RPA1: variants seen among roughly 807,000 people sequenced by gnomAD.
RPA1 encodes the protein replication protein A 70 kDa DNA-binding subunit.
Under a neutral mutation model 83.0 loss-of-function variants are expected in RPA1, and 49 were observed. That is an observed-to-expected ratio of 0.59 (90% CI 0.47 to 0.75). RPA1 has a LOEUF of 0.75. Among genes scored for constraint, RPA1 ranks in the 30% least tolerant of loss-of-function variants. The pLI is 0.00. For missense variants in RPA1, 693 were observed against 776.1 expected (o/e 0.89, Z 1.27); for synonymous variants, 279 against 281.8 (o/e 0.99, Z 0.10).
intron 5 of RPA1, among the ~76,000 whole-genome samples, chr17:1,863,027 T>G (rs1913044235): frequency 6.6e-6 from 1 of 151,058 alleles, no homozygotes; most frequent in African/African-American, 2.4e-5. Flanking sequence ...CAAGATTTAT[T>G]TATTTAGTTA....
chr17:1,833,900 G>A (rs1016135986), intron 1 of RPA1, among the ~76,000 whole-genome samples: 1 of 152,020 alleles, frequency 6.6e-6, no homozygotes, highest in Non-Finnish European at 1.5e-5. Context: ...ACTGATCATG[G>A]GCCAGGCGCA....
intron 12 of RPA1, among the ~76,000 whole-genome samples, chr17:1,881,888 C>CTCTCTGCTTGCTCTG (rs11276126): frequency 6.6e-6 from 1 of 152,046 alleles, no homozygotes; most frequent in Non-Finnish European, 1.5e-5. Flanking sequence ...GAAGGGCCGC[C>CTCTCTGCTTGCTCTG]TTGACTCCTG....
rs17338941 is a variant in RPA1 at position 1,881,961 on chromosome 17, A to G, written c.1241+1270A>G. Among the ~76,000 whole-genome samples, 900 of 152,278 alleles carry G rather than the reference A, an allele frequency of 5.9e-3. 11 individuals are homozygous for G. Among genetic ancestry groups the G allele is most frequent in the African/African-American group, 0.021 (856 of 41,546 alleles). Reference sequence around the variant, plus strand: ...TTTGAAACCGTGAACTTGTGTAGCTAGTAGTGGTGAAACAGATGGATGGGC... The same window carrying G: ...TTTGAAACCGTGAACTTGTGTAGCTGGTAGTGGTGAAACAGATGGATGGGC... On this transcript the variant is annotated intron_variant, in intron 12 of 16. Coordinates refer to ENST00000254719, the MANE Select transcript of RPA1 (RefSeq NM_002945.5).
In RPA1 at chr17:1,897,455, T is replaced by G. The variant is rs568522206; in HGVS notation, c.*280T>G. Reference sequence around the variant, plus strand: ...GCCTTCAGGCTTCTGTCAATTTCATTATCATCAAGCAGGAATTATGTCGTA... The same window carrying G: ...GCCTTCAGGCTTCTGTCAATTTCATGATCATCAAGCAGGAATTATGTCGTA... On this transcript the variant is annotated 3_prime_UTR_variant, in exon 17 of 17. Coordinates refer to ENST00000254719, the MANE Select transcript of RPA1 (RefSeq NM_002945.5). 1 of 314,838 alleles carries G rather than the reference T, an allele frequency of 3.2e-6. No individual in the cohort carries two copies. The highest frequency in any genetic ancestry group is 4.6e-5 in the Admixed American group (1 of 21,850). The allele number at this position is 314,838 out of a possible 1,614,324, so 19.5% of individuals were successfully genotyped here.
chr17:1,881,145 T>A (rs188334411), intron 12 of RPA1, among the ~76,000 whole-genome samples: 206 of 152,304 alleles, frequency 1.4e-3, no homozygotes, highest in Middle Eastern at 0.01. Context: ...GGGCTTTTTG[T>A]TAGGATTAGA....
intron 13 of RPA1, among the ~76,000 whole-genome samples, chr17:1,885,565 C>T (rs1036435139): frequency 1.4e-4 from 22 of 152,242 alleles, no homozygotes; most frequent in African/African-American, 5.3e-4. Flanking sequence ...TCAACCTCCC[C>T]AGGCTCCCAA....
At chr17:1,830,218 C>T in intron 1 of RPA1, 92 bp downstream of exon 1, 1 of 275,542 alleles carries the variant, frequency 3.6e-6, no homozygotes, top group Non-Finnish European at 4.6e-6. Flanking sequence ...CCCGGGGCGA[C>T]GGGGGATGAA....
At chr17:1,842,902 C>A (rs779227070) in intron 2 of RPA1, 49 bp downstream of exon 2, 2 of 1,579,938 alleles carry the variant, frequency 1.3e-6, no homozygotes, top group African/African-American at 1.3e-5. Flanking sequence ...TTGGAGTCAT[C>A]GAATTACAAG....
At chr17:1,890,900 C>G (rs990052761) in intron 14 of RPA1, among the ~76,000 whole-genome samples, 1 of 152,048 alleles carries the variant, frequency 6.6e-6, no homozygotes. Flanking sequence ...TAGTTCTTGC[C>G]CTGTGTGATG....
At chr17:1,869,571 G>A (rs1412686141) in intron 5 of RPA1, among the ~76,000 whole-genome samples, 1 of 151,964 alleles carries the variant, frequency 6.6e-6, no homozygotes, top group East Asian at 1.9e-4. Flanking sequence ...TTCCCCCTAG[G>A]TCAAAGCCAG....
intron 4 of RPA1, among the ~76,000 whole-genome samples, chr17:1,852,743 G>A (rs1365618557): frequency 2.0e-5 from 3 of 152,174 alleles, no homozygotes; most frequent in Admixed American, 6.5e-5. Flanking sequence ...GTCATAATTG[G>A]TTTTCACTGG....
At chr17:1,895,354 A>AT (rs35316960) in intron 16 of RPA1, among the ~76,000 whole-genome samples, 43 of 149,610 alleles carry the variant, frequency 2.9e-4, no homozygotes, top group East Asian at 5.9e-4. Flanking sequence ...TTTTATTTTT[A>AT]TTTTTTTTCA....
Position 1,853,099 on chromosome 17 carries a change from A to C in RPA1, c.273-2A>C, listed in dbSNP as rs1392177824. The C allele has an allele frequency of 1.9e-6, 3 of 1,613,616 alleles. No homozygotes were observed. The highest frequency in any genetic ancestry group is 2.5e-6 in the Non-Finnish European group (3 of 1,179,700). Reference sequence around the variant, plus strand: ...CCTGTTTCTGTTTGTCTGCTTTTGCAGGAGAGTAGTTATCTTGATGGAATT... The same window carrying C: ...CCTGTTTCTGTTTGTCTGCTTTTGCCGGAGAGTAGTTATCTTGATGGAATT... On this transcript the variant is annotated splice_acceptor_variant, in intron 4 of 16. Transcript: ENST00000254719. LOFTEE classifies it high-confidence loss of function.
At chr17:1,895,805 CT>C (rs1914396384) in intron 16 of RPA1, among the ~76,000 whole-genome samples, 1 of 151,836 alleles carries the variant, frequency 6.6e-6, no homozygotes, top group Non-Finnish European at 1.5e-5. Context: ...GCCTTAGCCC[CT>C]CGAGTAGCTG....
At chr17:1,860,772 G>T (rs886088758) in intron 5 of RPA1, among the ~76,000 whole-genome samples, 1 of 152,052 alleles carries the variant, frequency 6.6e-6, no homozygotes, top group Non-Finnish European at 1.5e-5. Context: ...CCTGGCCCTC[G>T]GACCGAATGC....
chr17:1,863,281 G>A (rs973232552), intron 5 of RPA1, among the ~76,000 whole-genome samples: 11 of 150,208 alleles, frequency 7.3e-5, no homozygotes, highest in Admixed American at 3.3e-4. Flanking sequence ...GCACAATCTC[G>A]GCTCACTGCA....
chr17:1,884,353 G>A lies in RPA1; in HGVS notation c.1374+409G>A, dbSNP rs1913917970. Reference sequence around the variant, plus strand: ...TTAGTCCGCCTCAGGTCAGACATGAGGCAGTTTCACGGGTGCTGTTCCTGG... The same window carrying A: ...TTAGTCCGCCTCAGGTCAGACATGAAGCAGTTTCACGGGTGCTGTTCCTGG... On this transcript the variant is annotated intron_variant, in intron 13 of 16. Transcript: ENST00000254719. The surrounding 1 kb of genome is among the most constrained non-coding windows in gnomAD (Gnocchi z 4.1). Among the ~76,000 whole-genome samples, 1 of 152,114 alleles carries A rather than the reference G, an allele frequency of 6.6e-6. No homozygotes were observed. The highest frequency in any genetic ancestry group is 1.5e-5 in the Non-Finnish European group (1 of 68,030).
intron 14 of RPA1, among the ~76,000 whole-genome samples, chr17:1,890,912 G>A (rs566773543): frequency 1.3e-5 from 2 of 152,308 alleles, no homozygotes; most frequent in Non-Finnish European, 2.9e-5. Context: ...TGTGTGATGA[G>A]ATGCTCTTTG....
intron 5 of RPA1, among the ~76,000 whole-genome samples, chr17:1,860,787 C>T (rs1370258868): frequency 6.6e-6 from 1 of 152,188 alleles, no homozygotes; most frequent in Non-Finnish European, 1.5e-5. Context: ...GAATGCCAGA[C>T]ATTGGGATTC....
Sources: gnomAD v4.1 joint callset for allele counts (sites outside exome capture counted in the v4.1 genomes callset) on GRCh38, gnomAD v4.1.1 for gene constraint, Gnocchi (gnomAD v3.1) non-coding constraint, MANE v1.5 for transcripts, NCBI Gene and HGNC (gene_info 2026-07-23, HGNC 2026-07-21) for gene names.